The following XYLT1 variants were observed in gnomAD, a reference collection of about 807,000 sequenced individuals.
XYLT1 encodes the protein xylosyltransferase 1.
XYLT1 carries 36 observed loss-of-function variants against 91.3 expected under a neutral mutation model. The ratio of observed to expected loss-of-function variants is 0.39; its 90% CI spans 0.30 to 0.52. The LOEUF (loss-of-function observed/expected upper bound fraction) is 0.52. Among genes scored for constraint, XYLT1 ranks in the 20% least tolerant of loss-of-function variants. The pLI, the probability that XYLT1 is intolerant of heterozygous loss-of-function variation, is 0.68. For synonymous variants in XYLT1, 588 were observed against 532.0 expected, an observed-to-expected ratio of 1.11 and a Z score of -1.45; for missense variants, 1,242 against 1,284.5, an observed-to-expected ratio of 0.97 and a Z score of 0.51.
At chr16:17,247,656 C>T (rs904486382) in intron 3 of XYLT1, among the ~76,000 whole-genome samples, 5 of 152,116 alleles carry the variant, frequency 3.3e-5, no homozygotes, top group African/African-American at 7.2e-5. Flanking sequence ...TCAAGGCTTT[C>T]GCAGCCGATA....
chr16:17,447,895 C>T lies in XYLT1; in HGVS notation c.363+22539G>A, dbSNP rs565269739. Among the ~76,000 whole-genome samples, 11 of 152,306 alleles carry T rather than the reference C, an allele frequency of 7.2e-5. No individual in the cohort carries two copies. The East Asian group carries it at 2.1e-3, about 29-fold the overall frequency. ...AAAAAACACCCAGTACCTTGCTTGG[C>T]ACATTGTGGACATTGTGGCCTCTGT... is the stretch of plus-strand genomic sequence containing the variant. On this transcript the variant is annotated intron_variant, in intron 1 of 11. Coordinates refer to ENST00000261381, the MANE Select transcript of XYLT1 (RefSeq NM_022166.4).
chr16:17,131,325 G>A (rs568992800), intron 9 of XYLT1, among the ~76,000 whole-genome samples: 5 of 152,156 alleles, frequency 3.3e-5, no homozygotes, highest in African/African-American at 7.2e-5. Context: ...TCAAGATGCC[G>A]CACAACCAAT....
chr16:17,408,555 A>G (rs2036062098), intron 1 of XYLT1, among the ~76,000 whole-genome samples: 1 of 152,238 alleles, frequency 6.6e-6, no homozygotes, highest in Admixed American at 6.5e-5. Flanking sequence ...TCTAGGTGCT[A>G]AAAGAATAGG....
chr16:17,156,453 G>C (rs1171561759), intron 6 of XYLT1, among the ~76,000 whole-genome samples: 2 of 152,212 alleles, frequency 1.3e-5, no homozygotes, highest in African/African-American at 4.8e-5. Context: ...ACCAATGTCT[G>C]AGCCACTTCT....
intron 1 of XYLT1, among the ~76,000 whole-genome samples, chr16:17,391,234 G>T (rs1367557329): frequency 6.6e-6 from 1 of 152,018 alleles, no homozygotes; most frequent in Admixed American, 6.6e-5. Flanking sequence ...TTTAACACTT[G>T]ATATGAACTA....
chr16:17,455,273 C>T (rs1350536384), intron 1 of XYLT1, among the ~76,000 whole-genome samples: 2 of 152,124 alleles, frequency 1.3e-5, no homozygotes, highest in Non-Finnish European at 2.9e-5. Context: ...TTCATGATTT[C>T]TGCATTCTTT....
chr16:17,342,250 C>T (rs1301521459), intron 2 of XYLT1, among the ~76,000 whole-genome samples: 1 of 152,190 alleles, frequency 6.6e-6, no homozygotes, highest in Non-Finnish European at 1.5e-5. Context: ...CCTGTTCCTT[C>T]CTCTTTCTGC....
chr16:17,399,903 T>C (rs1352126524), intron 1 of XYLT1, among the ~76,000 whole-genome samples: 2 of 152,174 alleles, frequency 1.3e-5, no homozygotes, highest in African/African-American at 4.8e-5. Flanking sequence ...TCTGTTATAA[T>C]AAAGTACACA....
intron 2 of XYLT1, among the ~76,000 whole-genome samples, 157 bp from the exon 3 acceptor site, chr16:17,259,655 C>A (rs1446673062): frequency 6.6e-6 from 1 of 152,158 alleles, no homozygotes; most frequent in Non-Finnish European, 1.5e-5. Flanking sequence ...AGATGGCTCT[C>A]TCTGGACCTC....
intron 2 of XYLT1, among the ~76,000 whole-genome samples, chr16:17,287,923 A>G (rs555447968): frequency 2.7e-5 from 4 of 147,890 alleles, no homozygotes; most frequent in South Asian, 2.2e-4. Context: ...CAGGAACTCT[A>G]TTAGGCATAA....
At chr16:17,239,665 GT>G (rs2033314404) in intron 3 of XYLT1, among the ~76,000 whole-genome samples, 1 of 143,158 alleles carries the variant, frequency 7.0e-6, no homozygotes, top group Admixed American at 6.9e-5. Context: ...ATCCATCCAT[GT>G]TCCTAGTCCA....
intron 2 of XYLT1, among the ~76,000 whole-genome samples, chr16:17,304,495 A>G (rs1201602955): frequency 6.6e-6 from 1 of 151,950 alleles, no homozygotes; most frequent in Admixed American, 6.6e-5. Flanking sequence ...TGGACCGCGC[A>G]GGGGAGGGTG....
intron 3 of XYLT1, among the ~76,000 whole-genome samples, chr16:17,232,450 C>CATATATAT (rs5815943): frequency 5.3e-5 from 6 of 113,260 alleles, no homozygotes; most frequent in South Asian, 5.9e-4. Flanking sequence ...TATATATATA[C>CATATATAT]ATATATATAT....
chr16:17,106,319 C>T lies in XYLT1; in HGVS notation c.*2376G>A, dbSNP rs1471597004. The stretch of plus-strand genomic sequence containing the variant: ...GAAAGGGAAGCTCCCAAAGTGGCTT[C>T]GGCAGCCCCAGGGAAACCCTGGCCA... On this transcript the variant is annotated 3_prime_UTR_variant, in exon 12 of 12. Transcript: ENST00000261381. The T allele has an allele frequency of 6.6e-6, 1 of 152,292 alleles. No homozygotes were observed. The highest frequency in any genetic ancestry group is 1.5e-5 in the Non-Finnish European group (1 of 68,130). The allele number at this position is 152,292 out of a possible 1,614,324, so 9.4% of individuals were successfully genotyped here. A position where few individuals can be genotyped will look rare whatever the true frequency, so the allele number is the denominator to read the frequency against.
chr16:17,239,231 T>TCCAC (rs2141731835), intron 3 of XYLT1, among the ~76,000 whole-genome samples: 1 of 149,878 alleles, frequency 6.7e-6, no homozygotes, highest in Admixed American at 6.6e-5. Flanking sequence ...CATCCATCCA[T>TCCAC]CCATTCATCT....
chr16:17,199,905 T>C (rs11861302), intron 4 of XYLT1, among the ~76,000 whole-genome samples: 90,727 of 151,944 alleles, frequency 0.6, 29,362 homozygotes, highest in African/African-American at 0.85. Context: ...GCAGAGGGCA[T>C]TGGGTAGAGG....
In XYLT1 at chr16:17,108,527, C is replaced by G; in HGVS notation, c.*168G>C. 1.5e-6 allele frequency: 1 copy of G among 674,214 alleles called. No homozygotes were observed. The allele number at this position is 674,214 out of a possible 1,614,324, so 41.8% of individuals were successfully genotyped here. ...CAGCTTGCCAAAGGCAGGTTGTTGGCTGATCCTGCTTTGACCTGCTGACCT... is the reference window on the plus strand; with the variant it reads ...CAGCTTGCCAAAGGCAGGTTGTTGGGTGATCCTGCTTTGACCTGCTGACCT... On this transcript the variant is annotated 3_prime_UTR_variant, in exon 12 of 12. Transcript: ENST00000261381.
At chr16:17,407,430 T>C (rs1481361751) in intron 1 of XYLT1, among the ~76,000 whole-genome samples, 2 of 152,218 alleles carry the variant, frequency 1.3e-5, no homozygotes, top group Admixed American at 6.5e-5. Flanking sequence ...TACGCTTGGT[T>C]AGCAATCACT....
chr16:17,171,098 C>T (rs1488740282), intron 5 of XYLT1, among the ~76,000 whole-genome samples: 1 of 152,108 alleles, frequency 6.6e-6, no homozygotes, highest in African/African-American at 2.4e-5. Context: ...AGTGTTGAGC[C>T]AGTGAAAACA....
Sources: allele counts gnomAD v4.1 joint callset (sites outside exome capture counted in the v4.1 genomes callset), GRCh38; gene constraint gnomAD v4.1.1; transcripts MANE v1.5; gene names NCBI Gene and HGNC (gene_info 2026-07-23, HGNC 2026-07-21).